Variants in TMEM132D observed in about 807,000 individuals in gnomAD.
TMEM132D encodes the protein transmembrane protein 132D, also known as mature OL transmembrane protein.
In TMEM132D, 21 loss-of-function variants were observed where a neutral mutation model predicts 62.3. The observed-to-expected ratio is 0.34, with a 90% CI of 0.24 to 0.49. TMEM132D has a LOEUF of 0.49. Among genes scored for constraint, TMEM132D ranks in the 20% least tolerant of loss-of-function variants. TMEM132D has a pLI of 0.99. For missense variants in TMEM132D, 1,346 were observed against 1,402.8 expected (o/e 0.96, Z 0.65); for synonymous variants, 621 against 575.6 (o/e 1.08, Z -1.13).
intron 1 of TMEM132D, among the ~76,000 whole-genome samples, chr12:129,902,319 C>A (rs1272996763): frequency 6.6e-6 from 1 of 152,126 alleles, no homozygotes; most frequent in African/African-American, 2.4e-5. Flanking sequence ...TCTTGCAGCA[C>A]GTATTAGAGA....
rs573426380 is a variant in TMEM132D at position 129,866,181 on chromosome 12, T to C, written c.79+37080A>G. The stretch of plus-strand genomic sequence containing the variant: ...GCAAATCAAAACCACAATGAGATAT[T>C]ACCTCACACCTGTTAGGATGGCTAT... On this transcript the variant is annotated intron_variant, in intron 1 of 8. Transcript: ENST00000422113. Among the ~76,000 whole-genome samples, 166 of 152,236 alleles carry C rather than the reference T, an allele frequency of 1.1e-3. 3 individuals are homozygous for C. The South Asian group carries it at 0.033, about 30-fold the overall frequency.
chr12:129,435,848 G>A (rs531137585), intron 3 of TMEM132D, among the ~76,000 whole-genome samples: 9 of 152,194 alleles, frequency 5.9e-5, no homozygotes, highest in African/African-American at 1.4e-4. Context: ...ATCAAATATC[G>A]TTTCTTCATG....
At chr12:129,616,129 G>C (rs1428093274) in intron 2 of TMEM132D, among the ~76,000 whole-genome samples, 1 of 152,216 alleles carries the variant, frequency 6.6e-6, no homozygotes, top group South Asian at 2.1e-4. Flanking sequence ...ATACAGAAGA[G>C]AGCCAAAATT....
chr12:129,263,335 G>A (rs1880601028), intron 4 of TMEM132D, among the ~76,000 whole-genome samples: 1 of 152,066 alleles, frequency 6.6e-6, no homozygotes, highest in South Asian at 2.1e-4. Context: ...GAAAGAACTT[G>A]GACAATAAGG....
chr12:129,736,383 C>T (rs1338693801), intron 1 of TMEM132D, among the ~76,000 whole-genome samples: 2 of 152,122 alleles, frequency 1.3e-5, no homozygotes, highest in Admixed American at 6.5e-5. Flanking sequence ...TGAAATATTG[C>T]TCTTACCAAG....
chr12:129,591,870 A>C (rs931277348), intron 2 of TMEM132D, among the ~76,000 whole-genome samples: 2 of 152,226 alleles, frequency 1.3e-5, no homozygotes, highest in Non-Finnish European at 2.9e-5. Context: ...ATAAATAAGC[A>C]CAAGAATGAG....
intron 3 of TMEM132D, among the ~76,000 whole-genome samples, chr12:129,376,991 G>A (rs925728571): frequency 2.0e-5 from 3 of 152,132 alleles, no homozygotes; most frequent in Non-Finnish European, 4.4e-5. Context: ...TCCACCTTGC[G>A]TTTGCTCAGT....
chr12:129,201,896 T>A (rs1373826168), intron 5 of TMEM132D, among the ~76,000 whole-genome samples: 3 of 151,856 alleles, frequency 2.0e-5, no homozygotes, highest in Non-Finnish European at 2.9e-5. Flanking sequence ...CATGTGACAA[T>A]TTTTTTTAAC....
intron 1 of TMEM132D, among the ~76,000 whole-genome samples, chr12:129,809,036 A>C (rs903912471): frequency 4.6e-5 from 7 of 152,182 alleles, no homozygotes; most frequent in Non-Finnish European, 1.0e-4. Flanking sequence ...GGCCGGGCGC[A>C]GTGGCTCACG....
At chr12:129,275,451 T>C (rs1880977575) in intron 4 of TMEM132D, among the ~76,000 whole-genome samples, 1 of 152,220 alleles carries the variant, frequency 6.6e-6, no homozygotes, top group African/African-American at 2.4e-5. Context: ...ATGATATATC[T>C]ATTCACTCTC....
chr12:129,868,707 C>T (rs112506331), intron 1 of TMEM132D, among the ~76,000 whole-genome samples: 1,582 of 152,318 alleles, frequency 0.01, 12 homozygotes, highest in Middle Eastern at 0.017. Flanking sequence ...GACTGCAGAA[C>T]TGGCTTTCTA....
At chr12:129,136,546 C>T (rs1032188331) in intron 5 of TMEM132D, among the ~76,000 whole-genome samples, 3 of 152,212 alleles carry the variant, frequency 2.0e-5, no homozygotes, top group African/African-American at 7.2e-5. Context: ...TCAGAAGGTA[C>T]ATTGGCACTA....
At chr12:129,186,623 C>T (rs562663292) in intron 5 of TMEM132D, among the ~76,000 whole-genome samples, 12 of 152,270 alleles carry the variant, frequency 7.9e-5, no homozygotes, top group South Asian at 6.2e-4. Context: ...CTTGGGCATA[C>T]GACTTCACTT....
At chr12:129,397,959 A>C (rs1471101964) in intron 3 of TMEM132D, among the ~76,000 whole-genome samples, 2 of 152,180 alleles carry the variant, frequency 1.3e-5, no homozygotes, top group Non-Finnish European at 2.9e-5. Flanking sequence ...ACATGGGAAA[A>C]TCCTAGAAAA....
At chr12:129,776,242 C>T (rs889992003) in intron 1 of TMEM132D, among the ~76,000 whole-genome samples, 3 of 152,044 alleles carry the variant, frequency 2.0e-5, no homozygotes, top group Non-Finnish European at 2.9e-5. Flanking sequence ...ACCACACGGA[C>T]GTGAACCCCA....
At chr12:129,625,834 G>C (rs1160539191) in intron 2 of TMEM132D, among the ~76,000 whole-genome samples, 2 of 152,198 alleles carry the variant, frequency 1.3e-5, no homozygotes, top group African/African-American at 4.8e-5. Context: ...TGCCCACTCA[G>C]AGGGGGTATG....
intron 1 of TMEM132D, among the ~76,000 whole-genome samples, chr12:129,746,942 C>T (rs1275086202): frequency 2.6e-5 from 4 of 152,164 alleles, no homozygotes; most frequent in African/African-American, 9.7e-5. Flanking sequence ...ACATTCACCA[C>T]GTCTGCCCAC....
intron 2 of TMEM132D, among the ~76,000 whole-genome samples, chr12:129,647,243 G>GGTTTTT (rs746675733): frequency 8.5e-6 from 1 of 117,594 alleles, no homozygotes; most frequent in African/African-American, 3.3e-5. Flanking sequence ...TTGTTTTTCT[G>GGTTTTT]TTTTTTTTTT....
intron 1 of TMEM132D, among the ~76,000 whole-genome samples, chr12:129,868,922 G>A (rs767269730): frequency 6.6e-6 from 1 of 152,082 alleles, no homozygotes; most frequent in Non-Finnish European, 1.5e-5. Context: ...AACCAGCTTC[G>A]CATAACAGAC....
Sources: gnomAD v4.1 joint callset for allele counts (sites outside exome capture counted in the v4.1 genomes callset) on GRCh38, gnomAD v4.1.1 for gene constraint, MANE v1.5 for transcripts, NCBI Gene and HGNC (gene_info 2026-07-23, HGNC 2026-07-21) for gene names.